Variants in ZFHX4 observed in about 807,000 individuals in gnomAD.
The protein encoded by ZFHX4 is zinc finger homeobox 4.
Under a neutral mutation model 267.6 loss-of-function variants are expected in ZFHX4, and 56 were observed. The observed-to-expected ratio is 0.21, with a 90% CI of 0.17 to 0.26. The LOEUF (loss-of-function observed/expected upper bound fraction) is 0.26. ZFHX4 is among the 10% of genes least tolerant of loss of function. The pLI, the probability that ZFHX4 is intolerant of heterozygous loss-of-function variation, is 1.00. For synonymous variants in ZFHX4, 1,778 were observed against 1,665.6 expected (o/e 1.07, Z -1.64); for missense variants, 4,332 against 4,420.0 (o/e 0.98, Z 0.56).
chr8:76,802,033 A>G (rs1160596188), intron 4 of ZFHX4, among the ~76,000 whole-genome samples: 1 of 152,158 alleles, frequency 6.6e-6, no homozygotes, highest in Non-Finnish European at 1.5e-5. Flanking sequence ...CGTAATAGGC[A>G]TTTTAAAAGT....
At chr8:76,730,801 A>G (rs1024722958) in intron 3 of ZFHX4, among the ~76,000 whole-genome samples, 8 of 152,174 alleles carry the variant, frequency 5.3e-5, no homozygotes, top group African/African-American at 1.7e-4. Context: ...TAAGGGATAC[A>G]CACAAAGAAC....
At chr8:76,802,005 C>A (rs1308416552) in intron 4 of ZFHX4, among the ~76,000 whole-genome samples, 1 of 152,042 alleles carries the variant, frequency 6.6e-6, no homozygotes, top group Admixed American at 6.6e-5. Context: ...CTTCAGGAAG[C>A]AGGAAAAAGT....
chr8:76,724,848 G>A (rs750472380), intron 3 of ZFHX4, among the ~76,000 whole-genome samples: 7 of 151,980 alleles, frequency 4.6e-5, no homozygotes, highest in Non-Finnish European at 1.0e-4. Flanking sequence ...TGGGTTACAT[G>A]CTCATTTGTA....
chr8:76,744,128 C>A (rs1276428439), intron 3 of ZFHX4, among the ~76,000 whole-genome samples: 1 of 151,932 alleles, frequency 6.6e-6, no homozygotes, highest in African/African-American at 2.4e-5. Flanking sequence ...GGTGGATCAC[C>A]TGAGGTTAGG....
At chr8:76,832,711 A>G (rs916944903) in intron 4 of ZFHX4, among the ~76,000 whole-genome samples, 1 of 152,188 alleles carries the variant, frequency 6.6e-6, no homozygotes, top group South Asian at 2.1e-4. Flanking sequence ...AGGTTCCCCT[A>G]CAATAGAGTG....
intron 3 of ZFHX4, among the ~76,000 whole-genome samples, chr8:76,723,411 A>T (rs1378728557): frequency 6.6e-6 from 1 of 152,036 alleles, no homozygotes; most frequent in Non-Finnish European, 1.5e-5. Context: ...ATCTTAAATT[A>T]CTGATTTAAT....
intron 4 of ZFHX4, among the ~76,000 whole-genome samples, chr8:76,804,799 C>A (rs966789672): frequency 2.0e-5 from 3 of 152,084 alleles, no homozygotes; most frequent in Non-Finnish European, 2.9e-5. Flanking sequence ...GAGGTCATGG[C>A]GAAATTCCAC....
chr8:76,717,723 A>G (rs1032062528), intron 3 of ZFHX4, among the ~76,000 whole-genome samples: 1 of 151,890 alleles, frequency 6.6e-6, no homozygotes, highest in Admixed American at 6.6e-5. Context: ...CAGACTCCCA[A>G]GTAGCTAAGA....
intron 3 of ZFHX4, among the ~76,000 whole-genome samples, chr8:76,722,601 T>C (rs940888059): frequency 4.6e-5 from 7 of 150,592 alleles, no homozygotes; most frequent in Admixed American, 4.6e-4. Context: ...TTCTCACTTT[T>C]TATGTGTTTT....
Position 76,696,647 on chromosome 8 carries a change from A to T in ZFHX4, c.-46-7396A>T, listed in dbSNP as rs540903235. ...TTACTTTCAGGCCAAAAAAAAAAAAAAAAACTCAAATAAAAATCCCCAAAC... is the reference window on the plus strand; with the variant it reads ...TTACTTTCAGGCCAAAAAAAAAAAATAAAACTCAAATAAAAATCCCCAAAC... On this transcript the variant is annotated intron_variant, in intron 1 of 10. Coordinates refer to ENST00000651372, the MANE Select transcript of ZFHX4 (RefSeq NM_024721.5). 1.7e-3 allele frequency among the ~76,000 whole-genome samples: 256 copies of T among 151,708 alleles called. 2 individuals are homozygous for T. The highest frequency in any genetic ancestry group is 6.0e-3 in the African/African-American group (247 of 41,494).
At chr8:76,724,311 C>A (rs1017831865) in intron 3 of ZFHX4, among the ~76,000 whole-genome samples, 1 of 151,892 alleles carries the variant, frequency 6.6e-6, no homozygotes, top group Non-Finnish European at 1.5e-5. Flanking sequence ...AGCATCTGTT[C>A]CTCTCTTCTT....
intron 1 of ZFHX4, chr8:76,682,756 A>T (rs1465021828): frequency 6.6e-6 from 1 of 152,362 alleles, no homozygotes; most frequent in Non-Finnish European, 1.5e-5. Context: ...GCCCCCCTAA[A>T]AGGGTTCCAT....
chr8:76,842,765 G>A lies in ZFHX4; in HGVS notation c.3505G>A (p.Asp1169Asn). 6.5e-7 allele frequency: 1 copy of A among 1,549,600 alleles called. No homozygotes were observed. The highest frequency in any genetic ancestry group is 2.0e-5 in the Admixed American group (1 of 50,998). Residue 1169 changes from aspartate to asparagine, a missense_variant, in exon 6 of 11, where the codon GAC (aspartate) becomes AAC (asparagine). Coordinates refer to ENST00000651372, the MANE Select transcript of ZFHX4 (RefSeq NM_024721.5). ...DNSEGKNSNK[D>N]SGIITPEKEL... ...TAGTGAAGGCAAAAACTCTAATAAA[G>A]ACTCTGGTAAGATGCAAGAATCTTT...
intron 4 of ZFHX4, among the ~76,000 whole-genome samples, chr8:76,812,346 T>C (rs1811399177): frequency 6.6e-6 from 1 of 152,228 alleles, no homozygotes; most frequent in Non-Finnish European, 1.5e-5. Flanking sequence ...TAGCTTGTGA[T>C]ACCTGGGGTG....
chr8:76,751,620 G>T (rs998903133), intron 3 of ZFHX4, among the ~76,000 whole-genome samples: 1 of 152,170 alleles, frequency 6.6e-6, no homozygotes, highest in East Asian at 1.9e-4. Context: ...AGAATGAATT[G>T]TGAGGGATAC....
intron 10 of ZFHX4, among the ~76,000 whole-genome samples, chr8:76,857,418 T>C (rs10098192): frequency 3.3e-5 from 5 of 150,868 alleles, no homozygotes; most frequent in African/African-American, 1.2e-4. Flanking sequence ...TTTTTTCATT[T>C]TTACAAGTTG....
chr8:76,833,308 G>A (rs1811985342), intron 4 of ZFHX4, 30 bp from the exon 5 acceptor site: 1 of 1,595,656 alleles, frequency 6.3e-7, no homozygotes, highest in Admixed American at 1.7e-5. Flanking sequence ...ATGGCATGCT[G>A]ATTACCTTTC....
intron 3 of ZFHX4, among the ~76,000 whole-genome samples, chr8:76,717,627 T>G (rs993039196): frequency 2.6e-5 from 4 of 152,230 alleles, no homozygotes; most frequent in Admixed American, 6.5e-5. Flanking sequence ...GATAGGGTCT[T>G]GCTCTGTCAC....
chr8:76,744,763 G>A (rs1469210959), intron 3 of ZFHX4, among the ~76,000 whole-genome samples: 2 of 152,022 alleles, frequency 1.3e-5, no homozygotes, highest in African/African-American at 2.4e-5. Context: ...AATTTTTTTA[G>A]ATAAAATGAA....
Sources: allele counts gnomAD v4.1 joint callset (sites outside exome capture counted in the v4.1 genomes callset), GRCh38; gene constraint gnomAD v4.1.1; transcripts MANE v1.5; gene names NCBI Gene and HGNC (gene_info 2026-07-23, HGNC 2026-07-21).